Variants in UCK2 observed in about 807,000 individuals in gnomAD.
UCK2 encodes uridine-cytidine kinase 2.
In UCK2, 6 loss-of-function variants were observed where a neutral mutation model predicts 30.8. That is an observed-to-expected ratio of 0.19 (90% CI 0.11 to 0.38). The LOEUF is 0.38. Ranked by LOEUF, UCK2 falls within the 10% of genes least tolerant of loss-of-function variation. UCK2 has a pLI of 1.00. For missense variants in UCK2, 210 were observed against 339.8 expected (o/e 0.62, Z 3.00); for synonymous variants, 125 against 133.6 (o/e 0.94, Z 0.45).
chr1:165,851,816 T>TG (rs961704956), intron 1 of UCK2, among the ~76,000 whole-genome samples: 1 of 152,180 alleles, frequency 6.6e-6, no homozygotes, highest in African/African-American at 2.4e-5. Flanking sequence ...TTGTTCAACT[T>TG]GCACTTACGA....
intron 5 of UCK2, among the ~76,000 whole-genome samples, chr1:165,904,986 C>G (rs1647602599): frequency 6.6e-6 from 1 of 152,152 alleles, no homozygotes; most frequent in African/African-American, 2.4e-5. Flanking sequence ...GTGAAGAATA[C>G]TTTTTCTGGT....
rs546396491 is a variant in UCK2 at position 165,857,960 on chromosome 1, A to G, written c.99+30028A>G. Among the ~76,000 whole-genome samples, 3 of 152,318 alleles carry G rather than the reference A, an allele frequency of 2.0e-5. No homozygotes were observed. The South Asian group carries it at 6.2e-4, about 32-fold the overall frequency. On this transcript the variant is annotated intron_variant, in intron 1 of 6. Transcript: ENST00000367879. ...TGTATCTGCTGGAGGGATTGAGAGA[A>G]TTGGTACAGAAGGAGTTTTGTGGAT... is the stretch of plus-strand genomic sequence containing the variant.
At chr1:165,864,108 T>C (rs10918299) in intron 1 of UCK2, among the ~76,000 whole-genome samples, 102,304 of 152,078 alleles carry the variant, frequency 0.67, 34,586 homozygotes, top group South Asian at 0.77. Context: ...CCACCATGCC[T>C]GGCTAATTTT....
At chr1:165,830,193 A>C (rs924194036) in intron 1 of UCK2, among the ~76,000 whole-genome samples, 3 of 151,362 alleles carry the variant, frequency 2.0e-5, no homozygotes, top group Non-Finnish European at 4.4e-5. Context: ...TTTGTAGAGA[A>C]GGGGTTTTGC....
At chr1:165,875,997 C>G (rs907464670) in intron 1 of UCK2, among the ~76,000 whole-genome samples, 2 of 152,198 alleles carry the variant, frequency 1.3e-5, no homozygotes, top group African/African-American at 4.8e-5. Context: ...GAAAGAGATT[C>G]TGTTTCCTGA....
chr1:165,829,144 G>GC (rs1653976576), intron 1 of UCK2, among the ~76,000 whole-genome samples: 1 of 152,168 alleles, frequency 6.6e-6, no homozygotes, highest in Non-Finnish European at 1.5e-5. Context: ...ACGGCGGCTG[G>GC]CGCTGCTGGA....
chr1:165,877,616 G>A lies in UCK2; in HGVS notation c.100-12588G>A, dbSNP rs569296206. On this transcript the variant is annotated intron_variant, in intron 1 of 6. Transcript: ENST00000367879. ...AGCAGTCATTCGTTTTTATTGCTGA[G>A]TAATAGTCCATTGTATGGATATACC... is the stretch of plus-strand genomic sequence containing the variant. Among the ~76,000 whole-genome samples the A allele has an allele frequency of 1.5e-3, 224 of 152,318 alleles. 3 individuals are homozygous for A. The highest frequency in any genetic ancestry group is 5.1e-3 in the African/African-American group (213 of 41,576).
intron 1 of UCK2, among the ~76,000 whole-genome samples, chr1:165,835,736 A>G (rs952499062): frequency 2.6e-5 from 4 of 152,168 alleles, no homozygotes; most frequent in Admixed American, 2.6e-4. Flanking sequence ...TTTTTCCTCA[A>G]TCATATTTCA....
chr1:165,890,264 A>G lies in UCK2; in HGVS notation c.160A>G (p.Lys54Glu). The change falls in exon 2 of 7, where the codon AAG (lysine) becomes GAG (glutamate). Residue 54 changes from lysine to glutamate, a missense_variant. Physicochemically the swap from Lys to Glu is moderately conservative, Grantham distance 56. This residue lies in a region of UCK2 where 75 missense variants were observed against 124.7 expected (regional missense o/e 0.60). Transcript: ENST00000367879. ...GCAGAATGAGGTGGACTATCGCCAG[A>G]AGCAGGTGGTCATCCTGAGCCAGGA... Reference protein sequence around the residue: ...LGQNEVDYRQKQVVILSQDSF... With the variant: ...LGQNEVDYRQEQVVILSQDSF... 1 of 1,614,144 alleles carries G rather than the reference A, an allele frequency of 6.2e-7. No individual in the cohort carries two copies. Among genetic ancestry groups the G allele is most frequent in the Non-Finnish European group, 8.5e-7 (1 of 1,180,016 alleles).
At chr1:165,882,087 C>G (rs771210550) in intron 1 of UCK2, among the ~76,000 whole-genome samples, 1 of 152,114 alleles carries the variant, frequency 6.6e-6, no homozygotes, top group Non-Finnish European at 1.5e-5. Context: ...ACTTTCTCTA[C>G]GGAGAGCTTG....
chr1:165,861,777 A>G (rs1654915354), intron 1 of UCK2, among the ~76,000 whole-genome samples: 1 of 152,138 alleles, frequency 6.6e-6, no homozygotes, highest in South Asian at 2.1e-4. Context: ...GAGGTTAACA[A>G]CCTTGTCCAA....
At chr1:165,887,389 G>A (rs1655642786) in intron 1 of UCK2, among the ~76,000 whole-genome samples, 1 of 152,166 alleles carries the variant, frequency 6.6e-6, no homozygotes, top group African/African-American at 2.4e-5. Context: ...CCATTGTACA[G>A]GTTCTGTCCT....
intron 1 of UCK2, among the ~76,000 whole-genome samples, chr1:165,856,226 A>T (rs1188202768): frequency 6.6e-6 from 1 of 152,040 alleles, no homozygotes; most frequent in Non-Finnish European, 1.5e-5. Flanking sequence ...CACACAGCTA[A>T]TCAGTGGCCT....
intron 1 of UCK2, among the ~76,000 whole-genome samples, chr1:165,830,910 C>T (rs1321572355): frequency 6.6e-6 from 1 of 151,818 alleles, no homozygotes; most frequent in Non-Finnish European, 1.5e-5. Context: ...TTATTTTGAC[C>T]TATGTTTAAA....
intron 1 of UCK2, among the ~76,000 whole-genome samples, chr1:165,876,216 C>G (rs1655330891): frequency 6.6e-6 from 1 of 152,194 alleles, no homozygotes; most frequent in Non-Finnish European, 1.5e-5. Context: ...CACAACACCT[C>G]TCTTAAATGG....
intron 4 of UCK2, among the ~76,000 whole-genome samples, chr1:165,897,625 C>G (rs1370368464): frequency 6.6e-6 from 1 of 152,146 alleles, no homozygotes; most frequent in African/African-American, 2.4e-5. Context: ...CCAGGGCCCT[C>G]TGACTTCAAA....
At chr1:165,894,042 A>G (rs1375694971) in intron 3 of UCK2, 2 of 152,174 alleles carry the variant, frequency 1.3e-5, no homozygotes, top group African/African-American at 2.4e-5. Context: ...GGAAATGCTC[A>G]TTGGAGCATT....
At chr1:165,899,895 T>C (rs1005805309) in intron 4 of UCK2, among the ~76,000 whole-genome samples, 2 of 152,202 alleles carry the variant, frequency 1.3e-5, no homozygotes, top group Admixed American at 1.3e-4. Flanking sequence ...TCGGAGGTTC[T>C]TGGGGAGCAG....
At chr1:165,851,615 T>A (rs1389030466) in intron 1 of UCK2, among the ~76,000 whole-genome samples, 1 of 148,926 alleles carries the variant, frequency 6.7e-6, no homozygotes, top group African/African-American at 2.5e-5. Context: ...TGCTTATGGA[T>A]TTTTTTTTTC....
Sources: gnomAD v4.1 joint callset for allele counts (sites outside exome capture counted in the v4.1 genomes callset) on GRCh38, gnomAD v4.1.1 for gene constraint, gnomAD v4.1.1 regional missense constraint, MANE v1.5 for transcripts, NCBI Gene and HGNC (gene_info 2026-07-23, HGNC 2026-07-21) for gene names.